SNX29: variants seen among roughly 807,000 people sequenced by gnomAD.
SNX29 encodes sorting nexin 29.
In SNX29, 78 loss-of-function variants were observed where a neutral mutation model predicts 102.1. The observed-to-expected ratio is 0.76, with a 90% CI of 0.64 to 0.92. The LOEUF is 0.92. Ranked by LOEUF, SNX29 falls within the 40% of genes least tolerant of loss-of-function variation. SNX29 has a pLI of 0.00. For synonymous variants in SNX29, 580 were observed against 414.5 expected (o/e 1.40, Z -4.85); for missense variants, 1,280 against 1,061.7 (o/e 1.21, Z -2.86).
intron 13 of SNX29, among the ~76,000 whole-genome samples, chr16:12,187,604 C>G (rs899197187): frequency 6.6e-6 from 1 of 151,766 alleles, no homozygotes; most frequent in Non-Finnish European, 1.5e-5. Context: ...ATCTGCTGCT[C>G]TGTAGTCTTC....
intron 15 of SNX29, among the ~76,000 whole-genome samples, chr16:12,341,937 G>A (rs1008738069): frequency 1.4e-4 from 22 of 152,142 alleles, no homozygotes; most frequent in Non-Finnish European, 2.2e-4. Flanking sequence ...TAGCTGCCAG[G>A]TCATTTCCAG....
intron 19 of SNX29, among the ~76,000 whole-genome samples, chr16:12,487,072 T>C (rs2088280652): frequency 6.6e-6 from 1 of 152,176 alleles, no homozygotes; most frequent in Non-Finnish European, 1.5e-5. Context: ...GTTTCCCCTT[T>C]TATATACTAG....
intron 16 of SNX29, among the ~76,000 whole-genome samples, chr16:12,392,319 C>T (rs142207457): frequency 2.6e-5 from 4 of 152,140 alleles, no homozygotes; most frequent in Non-Finnish European, 2.9e-5. Flanking sequence ...TCTTTGTATC[C>T]TTGTCTCTGT....
At position 12,555,569 on chromosome 16, in the gene SNX29, C is replaced by G. The variant is rs779216990; in HGVS notation, c.2319-12937C>G. Among the ~76,000 whole-genome samples, 421 of 151,972 alleles carry G rather than the reference C, an allele frequency of 2.8e-3. 2 individuals carry two copies. The highest frequency in any genetic ancestry group is 3.7e-3 in the Non-Finnish European group (253 of 67,972). ...ACCGTGGGTTTGAGCACCCTCATCT[C>G]TCACCTCCATTTCTCCCTGTACCCA... is the stretch of plus-strand genomic sequence containing the variant. On this transcript the variant is annotated intron_variant, in intron 20 of 20. Transcript: ENST00000566228.
chr16:12,453,955 TTTG>T (rs1333333539), intron 18 of SNX29, among the ~76,000 whole-genome samples: 1 of 152,122 alleles, frequency 6.6e-6, no homozygotes, highest in Non-Finnish European at 1.5e-5. Context: ...ATGGGTTTTT[TTTG>T]TTGTTGTTTT....
At chr16:12,091,039 GAAA>G (rs60597827) in intron 11 of SNX29, among the ~76,000 whole-genome samples, 28,649 of 111,488 alleles carry the variant, frequency 0.26, 3,842 homozygotes, top group African/African-American at 0.34. Context: ...AAAAAAAAAA[GAAA>G]GAAAAAGAAA....
chr16:12,101,914 CT>C (rs1391523189), intron 11 of SNX29, among the ~76,000 whole-genome samples: 3 of 152,182 alleles, frequency 2.0e-5, no homozygotes, highest in Non-Finnish European at 4.4e-5. Context: ...TCTCCCTCCC[CT>C]AGCCCCCTAC....
intron 20 of SNX29, among the ~76,000 whole-genome samples, chr16:12,541,127 CAG>C (rs915618487): frequency 2.6e-5 from 4 of 152,212 alleles, no homozygotes; most frequent in East Asian, 1.9e-4. Flanking sequence ...AGGGGAGACA[CAG>C]GGGGAGGTGA....
rs779935591 is a variant in SNX29 at position 12,052,240 on chromosome 16, G to T, written c.1124+18G>T. 1 of 1,613,416 alleles carries T rather than the reference G, an allele frequency of 6.2e-7. No homozygotes were observed. The highest frequency in any genetic ancestry group is 1.1e-5 in the South Asian group (1 of 90,878). On this transcript the variant is annotated intron_variant, in intron 8 of 20. Transcript: ENST00000566228. ...CCCGAGAAGTAAGTTTGTGTGTAAG[G>T]TGGAGTCTCACCGTCCCCCAGGCTG...
intron 11 of SNX29, among the ~76,000 whole-genome samples, chr16:12,080,154 C>A (rs890874079): frequency 6.6e-6 from 1 of 152,098 alleles, no homozygotes; most frequent in African/African-American, 2.4e-5. Context: ...GTATACCACT[C>A]GTGTCTTGGG....
intron 10 of SNX29, among the ~76,000 whole-genome samples, chr16:12,075,710 C>T (rs925283873): frequency 2.6e-5 from 4 of 152,232 alleles, no homozygotes; most frequent in Admixed American, 2.6e-4. Flanking sequence ...CAGACAGGGA[C>T]ATTTAAGTCT....
chr16:12,341,642 T>C (rs1417249970), intron 15 of SNX29, among the ~76,000 whole-genome samples: 1 of 152,284 alleles, frequency 6.6e-6, no homozygotes, highest in Non-Finnish European at 1.5e-5. Context: ...TCCCATCTTG[T>C]GGCCACACCA....
intron 18 of SNX29, among the ~76,000 whole-genome samples, chr16:12,423,830 C>T (rs111717751): frequency 4.7e-4 from 71 of 152,258 alleles, no homozygotes; most frequent in African/African-American, 1.6e-3. Flanking sequence ...CCTCAGCTTC[C>T]CAAAGTGTTG....
chr16:12,025,831 T>C (rs1307931994), intron 3 of SNX29, among the ~76,000 whole-genome samples: 1 of 152,130 alleles, frequency 6.6e-6, no homozygotes, highest in Non-Finnish European at 1.5e-5. Flanking sequence ...CGTGATGATA[T>C]GGGGGATGGA....
intron 19 of SNX29, among the ~76,000 whole-genome samples, chr16:12,492,181 G>C (rs543916162): frequency 1.3e-5 from 2 of 152,088 alleles, no homozygotes; most frequent in African/African-American, 4.8e-5. Flanking sequence ...CCACATCCTC[G>C]CCAGCACCTG....
intron 20 of SNX29, among the ~76,000 whole-genome samples, chr16:12,547,591 A>AC (rs1567170045): frequency 1.3e-5 from 2 of 151,826 alleles, no homozygotes; most frequent in South Asian, 4.2e-4. Context: ...GATTAAATAC[A>AC]CCCCCACGAA....
chr16:12,222,703 G>A (rs149749220), intron 14 of SNX29, among the ~76,000 whole-genome samples: 212 of 152,290 alleles, frequency 1.4e-3, no homozygotes, highest in African/African-American at 4.7e-3. Flanking sequence ...TGGGTAGCTA[G>A]GACTACAGGC....
In SNX29 at chr16:12,194,642, T is replaced by A. The variant is rs530844133; in HGVS notation, c.1596-4959T>A. Reference sequence around the variant, plus strand: ...GGGTAGTTTTTTTTTTTTTTTTTTTTAAGAAGGAATCGCAGACTCTGTCAC... The same window carrying A: ...GGGTAGTTTTTTTTTTTTTTTTTTTAAAGAAGGAATCGCAGACTCTGTCAC... On this transcript the variant is annotated intron_variant, in intron 13 of 20. Transcript: ENST00000566228. 4.2e-3 allele frequency among the ~76,000 whole-genome samples: 543 copies of A among 127,816 alleles called. 2 individuals are homozygous for A. Among genetic ancestry groups the A allele is most frequent in the Middle Eastern group, 0.015 (4 of 264 alleles). The allele number at this position is 127,816 out of a possible 152,430, so 83.9% of individuals were successfully genotyped here. A position where few individuals can be genotyped will look rare whatever the true frequency, so the allele number is the denominator to read the frequency against.
At chr16:12,376,047 A>AAAG (rs1254398451) in intron 16 of SNX29, 2 of 152,766 alleles carry the variant, frequency 1.3e-5, no homozygotes, top group African/African-American at 4.8e-5. Flanking sequence ...AAAAAAAAAA[A>AAAG]AAAAAAGTGG....
Sources: allele counts gnomAD v4.1 joint callset (sites outside exome capture counted in the v4.1 genomes callset), GRCh38; gene constraint gnomAD v4.1.1; transcripts MANE v1.5; gene names NCBI Gene and HGNC (gene_info 2026-07-23, HGNC 2026-07-21).